The following MASP1 variants were observed in gnomAD, a reference collection of about 807,000 sequenced individuals.
The protein encoded by MASP1 is mannan-binding lectin serine protease 1.
Under a neutral mutation model 77.1 loss-of-function variants are expected in MASP1, and 59 were observed. The ratio of observed to expected loss-of-function variants is 0.77; its 90% CI spans 0.62 to 0.95. MASP1 has a LOEUF of 0.95. Ranked by LOEUF, MASP1 falls within the 40% of genes least tolerant of loss-of-function variation. MASP1 has a pLI of 0.00. For synonymous variants in MASP1, 362 were observed against 354.5 expected (o/e 1.02, Z -0.24); for missense variants, 885 against 912.9 (o/e 0.97, Z 0.39).
rs1715709330 is a variant in MASP1, at chr3:187,262,778, C to T, written c.238-58G>A. On this transcript the variant is annotated intron_variant, in intron 2 of 10. Transcript: ENST00000296280. Reference sequence around the variant, plus strand: ...GCAGTTTCCCAGCTAGGCTTCTTTCCTTATCTTTAGAAAGAAAAAGGAAGG... The same window carrying T: ...GCAGTTTCCCAGCTAGGCTTCTTTCTTTATCTTTAGAAAGAAAAAGGAAGG... 4 of 1,539,058 alleles carry T rather than the reference C, an allele frequency of 2.6e-6. No homozygotes were observed. In the South Asian group the frequency reaches 3.4e-5, roughly 13 times the overall value.
At chr3:187,247,032 A>ATT in intron 8 of MASP1, 3 of 1,252,606 alleles carry the variant, frequency 2.4e-6, no homozygotes, top group Middle Eastern at 3.3e-4. Flanking sequence ...GACCAAGGGC[A>ATT]TTTTTTTTTT....
Position 187,235,993 on chromosome 3 carries a change from A to C in MASP1, c.1878T>G (p.Pro626=). 6.2e-7 allele frequency: 1 copy of C among 1,614,236 alleles called. No homozygotes were observed. Among genetic ancestry groups the C allele is most frequent in the South Asian group, 1.1e-5 (1 of 91,090 alleles). ...VLQYVKLPVV[P]HAECKTSYES... ...CATAGCTAGTTTTGCACTCAGCGTG[A>C]GGCACCACGGGTAACTTGACATACT... The change falls in exon 11 of 11, where the codon CCT becomes CCG. Residue 626 remains proline, a synonymous_variant. Transcript: ENST00000296280.
intron 13 of MASP1, chr3:187,225,260 C>T (rs1021656663): frequency 7.9e-5 from 123 of 1,559,110 alleles, no homozygotes; most frequent in Middle Eastern, 2.3e-4. Context: ...GCTTCACCAA[C>T]GTGAAGACGG....
chr3:187,260,595 A>C, intron 4 of MASP1, 146 bp downstream of exon 4: 2 of 1,145,044 alleles, frequency 1.7e-6, no homozygotes, highest in Non-Finnish European at 2.6e-6. Context: ...GCATTTCTGC[A>C]TCTTCATCCA....
intron 2 of MASP1, among the ~76,000 whole-genome samples, chr3:187,284,449 C>A (rs1717684321): frequency 6.6e-6 from 1 of 152,182 alleles, no homozygotes; most frequent in Non-Finnish European, 1.5e-5. Flanking sequence ...AGCAAATGAT[C>A]TGGTTCAAAA....
chr3:187,226,680 C>T (rs768962663), intron 11 of MASP1, among the ~76,000 whole-genome samples: 2 of 152,288 alleles, frequency 1.3e-5, no homozygotes, highest in South Asian at 2.1e-4. Context: ...CTCAAATGCT[C>T]ATATGATCCT....
chr3:187,229,986 G>T, downstream of MASP1: 1 of 1,492,690 alleles, frequency 6.7e-7, no homozygotes, highest in Non-Finnish European at 9.2e-7. Flanking sequence ...ACCCTGTTAG[G>T]AACATCTATT....
chr3:187,272,604 T>A (rs1301641191), intron 2 of MASP1, among the ~76,000 whole-genome samples: 1 of 151,982 alleles, frequency 6.6e-6, no homozygotes, highest in Non-Finnish European at 1.5e-5. Flanking sequence ...CACAGAGGGA[T>A]GACAGCCATG....
chr3:187,251,021 T>C (rs934779745), intron 7 of MASP1, among the ~76,000 whole-genome samples: 2 of 152,158 alleles, frequency 1.3e-5, no homozygotes, highest in Non-Finnish European at 2.9e-5. Flanking sequence ...TGCAAAGGCG[T>C]GATCTCAGCT....
chr3:187,234,593 A>G lies in MASP1; in HGVS notation c.*1091T>C, dbSNP rs1484980277. On this transcript the variant is annotated 3_prime_UTR_variant, in exon 11 of 11. Transcript: ENST00000296280. ...GAGCCTCTGATTCCTTTGACTCTGA[A>G]AAATGAAGGAGTGGGTCCCTCTGAA... 7.8e-7 allele frequency: 1 copy of G among 1,287,226 alleles called. No individual in the cohort carries two copies. The highest frequency in any genetic ancestry group is 1.0e-6 in the Non-Finnish European group (1 of 988,694). 79.7% of individuals were successfully genotyped at this position (1,287,226 alleles called of 1,614,324 possible).
chr3:187,235,252 A>G lies in MASP1; in HGVS notation c.*432T>C. 6 of 1,294,194 alleles carry G rather than the reference A, an allele frequency of 4.6e-6. No individual in the cohort carries two copies. Among genetic ancestry groups the G allele is most frequent in the Non-Finnish European group, 6.0e-6 (6 of 993,730 alleles). The allele number at this position is 1,294,194 out of a possible 1,614,324, so 80.2% of individuals were successfully genotyped here. A position where few individuals can be genotyped will look rare whatever the true frequency, so the allele number is the denominator to read the frequency against. Reference sequence around the variant, plus strand: ...GAGCAGGAAAATATACAGATGCGGCATTCAGTTCAATGTTAGAAACCATTT... The same window carrying G: ...GAGCAGGAAAATATACAGATGCGGCGTTCAGTTCAATGTTAGAAACCATTT... On this transcript the variant is annotated 3_prime_UTR_variant, in exon 11 of 11. Coordinates refer to ENST00000296280, the MANE Select transcript of MASP1 (RefSeq NM_139125.4).
chr3:187,278,388 A>G (rs1717133578), intron 2 of MASP1, among the ~76,000 whole-genome samples: 1 of 124,894 alleles, frequency 8.0e-6, no homozygotes, highest in Non-Finnish European at 1.8e-5. Context: ...AACTGATGAC[A>G]AAACCATTGC....
chr3:187,253,611 G>C (rs1373948433), intron 5 of MASP1, among the ~76,000 whole-genome samples: 1 of 152,146 alleles, frequency 6.6e-6, no homozygotes, highest in East Asian at 1.9e-4. Context: ...ATCAATGATA[G>C]ACTGGCATTG....
chr3:187,256,470 T>G (rs1579527040), intron 5 of MASP1, 194 bp downstream of exon 5: 1 of 643,500 alleles, frequency 1.6e-6, no homozygotes. Flanking sequence ...GCCAGTGGGG[T>G]CATTTCGGAT....
intron 5 of MASP1, among the ~76,000 whole-genome samples, chr3:187,255,117 A>G (rs778055036): frequency 6.6e-6 from 1 of 152,142 alleles, no homozygotes; most frequent in Non-Finnish European, 1.5e-5. Flanking sequence ...AGTTGACCTA[A>G]AGTGAGGGAG....
chr3:187,262,252 C>T lies in MASP1; in HGVS notation c.415+291G>A, dbSNP rs1579540983. On this transcript the variant is annotated intron_variant, in intron 3 of 10. Coordinates refer to ENST00000296280, the MANE Select transcript of MASP1 (RefSeq NM_139125.4). ...CAATTTTACACAAAAAGAAAAAATGCTGTGAACAAATATGAAACTCTAGCA... is the reference window on the plus strand; with the variant it reads ...CAATTTTACACAAAAAGAAAAAATGTTGTGAACAAATATGAAACTCTAGCA... Among the ~76,000 whole-genome samples the T allele has an allele frequency of 2.6e-5, 4 of 152,226 alleles. No homozygotes were observed. The South Asian group carries it at 8.3e-4, about 32-fold the overall frequency.
chr3:187,270,458 A>T (rs1716428101), intron 2 of MASP1, among the ~76,000 whole-genome samples: 1 of 152,152 alleles, frequency 6.6e-6, no homozygotes, highest in African/African-American at 2.4e-5. Context: ...CATTTTAGCT[A>T]GAACCCCTCT....
chr3:187,262,560 G>A lies in MASP1; in HGVS notation c.398C>T (p.Ala133Val). 1 of 1,614,058 alleles carries A rather than the reference G, an allele frequency of 6.2e-7. No homozygotes were observed. The highest frequency in any genetic ancestry group is 8.5e-7 in the Non-Finnish European group (1 of 1,179,990). The change falls in exon 3 of 11, where the codon GCC (alanine) becomes GTC (valine). Residue 133 changes from alanine (A) to valine (V), a missense_variant. Transcript: ENST00000296280. The stretch of plus-strand genomic sequence containing the variant: ...CAACTTACCCACAGCCATGTAGTGG[G>A]CATCAAAGCCTGTGAAACGCTCCTC... ...SNEERFTGFD[A>V]HYMAVDVDEC...
chr3:187,260,823 G>C lies in MASP1; in HGVS notation c.465C>G (p.His155Gln). 6.2e-7 allele frequency: 1 copy of C among 1,614,176 alleles called. No homozygotes were observed. Among genetic ancestry groups the C allele is most frequent in the Non-Finnish European group, 8.5e-7 (1 of 1,180,026 alleles). Reference sequence around the variant, plus strand: ...AGCCGCCAATGTAGTTGTGGCAGTAGTGGTCACAGGACAGCTCCTCGTCCT... The same window carrying C: ...AGCCGCCAATGTAGTTGTGGCAGTACTGGTCACAGGACAGCTCCTCGTCCT... ...EREDEELSCD[H>Q]YCHNYIGGYY... The change falls in exon 4 of 11, where the codon CAC (histidine) becomes CAG (glutamine). Residue 155 changes from histidine to glutamine, a missense_variant. Physicochemically the swap from His to Gln is conservative, Grantham distance 24. Transcript: ENST00000296280.
Sources: allele counts gnomAD v4.1 joint callset (sites outside exome capture counted in the v4.1 genomes callset), GRCh38; gene constraint gnomAD v4.1.1; transcripts MANE v1.5; gene names NCBI Gene and HGNC (gene_info 2026-07-23, HGNC 2026-07-21).